The following ARL3 variants were observed in gnomAD, a reference collection of about 807,000 sequenced individuals.
The protein encoded by ARL3 is ADP-ribosylation factor-like protein 3.
Under a neutral mutation model 26.0 loss-of-function variants are expected in ARL3, and 9 were observed. That is an observed-to-expected ratio of 0.35 (90% CI 0.21 to 0.60). The LOEUF is 0.60. Ranked by LOEUF, ARL3 falls within the 20% of genes least tolerant of loss-of-function variation. The probability of loss-of-function intolerance (pLI) is 0.78; values close to 1 mark genes in which losing one functional copy is unlikely to be tolerated. For synonymous variants in ARL3, 71 were observed against 78.4 expected, an observed-to-expected ratio of 0.91 and a Z score of 0.50; for missense variants, 158 against 215.7, an observed-to-expected ratio of 0.73 and a Z score of 1.67.
At position 102,697,911 on chromosome 10, in the gene ARL3, A is replaced by G. The variant is rs529109834; in HGVS notation, c.264+1462T>C. 1.9e-4 allele frequency among the ~76,000 whole-genome samples: 29 copies of G among 152,302 alleles called. No homozygotes were observed. The East Asian group carries it at 5.2e-3, about 27-fold the overall frequency. ...CTGAACCCTACTTTTAGCAATGTGG[A>G]ATTATCAGTGACCCTGAAAAGAAGG... On this transcript the variant is annotated intron_variant, in intron 3 of 5. Transcript: ENST00000260746.
At position 102,714,354 on chromosome 10, in the gene ARL3, C is replaced by G. The variant is rs995146312; in HGVS notation, c.-79G>C. The G allele has an allele frequency of 1.2e-5, 15 of 1,258,980 alleles. No homozygotes were observed. The highest frequency in any genetic ancestry group is 3.8e-5 in the Admixed American group (1 of 26,312). The allele number at this position is 1,258,980 out of a possible 1,614,324, so 78.0% of individuals were successfully genotyped here. A position where few individuals can be genotyped will look rare whatever the true frequency, so the allele number is the denominator to read the frequency against. The stretch of plus-strand genomic sequence containing the variant: ...AGGGGCAACTGCTGCGGCGCCGCCC[C>G]CGACGTCCCTCGCACGCACAGCTGA... On this transcript the variant is annotated 5_prime_UTR_variant, in exon 1 of 6. Coordinates refer to ENST00000260746, the MANE Select transcript of ARL3 (RefSeq NM_004311.4).
At chr10:102,686,454 T>C (rs1406830759) in intron 4 of ARL3, among the ~76,000 whole-genome samples, 2 of 150,186 alleles carry the variant, frequency 1.3e-5, no homozygotes, top group Non-Finnish European at 3.0e-5. Context: ...TCTCAAACTT[T>C]TTTTTTTCTT....
At chr10:102,679,833 C>T (rs2064146541) in intron 5 of ARL3, among the ~76,000 whole-genome samples, 2 of 152,126 alleles carry the variant, frequency 1.3e-5, no homozygotes, top group South Asian at 2.1e-4. Flanking sequence ...TAACCATCCA[C>T]CCAGACCACC....
At chr10:102,691,164 C>A (rs1197060245) in intron 3 of ARL3, among the ~76,000 whole-genome samples, 1 of 152,072 alleles carries the variant, frequency 6.6e-6, no homozygotes, top group Non-Finnish European at 1.5e-5. Context: ...GGTACATGTG[C>A]ACACTGTGCA....
chr10:102,684,223 A>G (rs958290027), intron 5 of ARL3, among the ~76,000 whole-genome samples: 1 of 152,036 alleles, frequency 6.6e-6, no homozygotes, highest in Non-Finnish European at 1.5e-5. Flanking sequence ...ATCTCAGCTC[A>G]TTGCAAGCTC....
chr10:102,706,422 G>A (rs891549115), intron 1 of ARL3, among the ~76,000 whole-genome samples: 3 of 151,984 alleles, frequency 2.0e-5, no homozygotes, highest in Non-Finnish European at 4.4e-5. Context: ...CTGCACTCCA[G>A]CCTGGGTGAC....
chr10:102,696,289 G>C (rs914277428), intron 3 of ARL3, among the ~76,000 whole-genome samples: 2 of 121,834 alleles, frequency 1.6e-5, no homozygotes, highest in African/African-American at 6.3e-5. Flanking sequence ...TTTTTGAGAC[G>C]GAGTCTTGGT....
intron 2 of ARL3, among the ~76,000 whole-genome samples, chr10:102,700,626 G>A (rs879743401): frequency 4.2e-4 from 64 of 151,110 alleles, no homozygotes; most frequent in African/African-American, 1.4e-3. Context: ...CACCACACCC[G>A]GCTAATTTTT....
chr10:102,698,530 T>C (rs941645962), intron 3 of ARL3, among the ~76,000 whole-genome samples: 1 of 152,050 alleles, frequency 6.6e-6, no homozygotes, highest in Admixed American at 6.6e-5. Context: ...GCCCCCCTAG[T>C]TTTAGGGTAT....
At chr10:102,703,053 CTT>C (rs1309100018) in intron 2 of ARL3, among the ~76,000 whole-genome samples, 1 of 150,742 alleles carries the variant, frequency 6.6e-6, no homozygotes, top group South Asian at 2.1e-4. Flanking sequence ...GTCAGGCATT[CTT>C]AGGATTTCCT....
intron 5 of ARL3, among the ~76,000 whole-genome samples, chr10:102,680,154 C>T (rs1395233557): frequency 6.6e-6 from 1 of 152,142 alleles, no homozygotes; most frequent in Non-Finnish European, 1.5e-5. Flanking sequence ...CCATGTTAGC[C>T]AGGATGGTCT....
intron 5 of ARL3, among the ~76,000 whole-genome samples, chr10:102,685,064 A>G (rs2064175844): frequency 6.6e-6 from 1 of 151,242 alleles, no homozygotes; most frequent in African/African-American, 2.4e-5. Flanking sequence ...CCTGGTCAAC[A>G]TGGCGAAATC....
chr10:102,710,946 G>A (rs1373317322), intron 1 of ARL3, among the ~76,000 whole-genome samples: 1 of 152,198 alleles, frequency 6.6e-6, no homozygotes, highest in Non-Finnish European at 1.5e-5. Flanking sequence ...CCAGAGTGGT[G>A]GAGGGAGAAG....
In ARL3 at chr10:102,674,440, T is replaced by A. The variant is rs561231483; in HGVS notation, c.*2454A>T. 6.6e-6 allele frequency: 1 copy of A among 152,238 alleles called. No homozygotes were observed. Among genetic ancestry groups the A allele is most frequent in the Non-Finnish European group, 1.5e-5 (1 of 68,116 alleles). The allele number at this position is 152,238 out of a possible 1,614,324, so 9.4% of individuals were successfully genotyped here. Reference sequence around the variant, plus strand: ...GGAGGACTCGAGTTTTTCCCACAACTGGCTTGAGCACATATCACGAGCACC... The same window carrying A: ...GGAGGACTCGAGTTTTTCCCACAACAGGCTTGAGCACATATCACGAGCACC... On this transcript the variant is annotated 3_prime_UTR_variant, in exon 6 of 6. Coordinates refer to ENST00000260746, the MANE Select transcript of ARL3 (RefSeq NM_004311.4).
chr10:102,682,408 A>C (rs1422950178), intron 5 of ARL3, among the ~76,000 whole-genome samples: 1 of 152,148 alleles, frequency 6.6e-6, no homozygotes, highest in African/African-American at 2.4e-5. Context: ...TCCTCTCTCA[A>C]AAGTCAGTTT....
chr10:102,695,861 T>C (rs1463928688), intron 3 of ARL3, among the ~76,000 whole-genome samples: 1 of 152,048 alleles, frequency 6.6e-6, no homozygotes, highest in Non-Finnish European at 1.5e-5. Context: ...TGTTTTTTTC[T>C]GAATTAAAAG....
chr10:102,681,247 C>T (rs1029964367), intron 5 of ARL3, among the ~76,000 whole-genome samples: 3 of 151,990 alleles, frequency 2.0e-5, no homozygotes, highest in African/African-American at 2.4e-5. Context: ...AAAAAATTAG[C>T]CAGGCGTGGT....
Position 102,676,960 on chromosome 10 carries a change from G to A in ARL3, c.502-19C>T. On this transcript the variant is annotated intron_variant, in intron 5 of 5. Coordinates refer to ENST00000260746, the MANE Select transcript of ARL3 (RefSeq NM_004311.4). The stretch of plus-strand genomic sequence containing the variant: ...TGCCATCCTTTGAGGGAAATGGGCA[G>A]AGAAAGGCAGTGTTAGTTATAAGAA... 2 of 1,613,388 alleles carry A rather than the reference G, an allele frequency of 1.2e-6. No individual in the cohort carries two copies. The highest frequency in any genetic ancestry group is 1.7e-6 in the Non-Finnish European group (2 of 1,179,316).
intron 3 of ARL3, among the ~76,000 whole-genome samples, chr10:102,694,246 C>T (rs1245684872): frequency 6.6e-6 from 1 of 152,194 alleles, no homozygotes; most frequent in Non-Finnish European, 1.5e-5. Context: ...GCCTTGGCCT[C>T]CCAAAGTGCT....
Sources: gnomAD v4.1 joint callset for allele counts (sites outside exome capture counted in the v4.1 genomes callset) on GRCh38, gnomAD v4.1.1 for gene constraint, MANE v1.5 for transcripts, NCBI Gene and HGNC (gene_info 2026-07-23, HGNC 2026-07-21) for gene names.